The following CCSER1 variants were observed in gnomAD, a reference collection of about 807,000 sequenced individuals.
CCSER1 encodes coiled-coil serine rich protein 1, also known as serine-rich coiled-coil domain-containing protein 1.
CCSER1 carries 41 observed loss-of-function variants against 82.0 expected under a neutral mutation model. That is an observed-to-expected ratio of 0.50 (90% confidence interval 0.39 to 0.65). The LOEUF (loss-of-function observed/expected upper bound fraction) is 0.65, where lower values mean the gene tolerates loss of function less well. CCSER1 is among the 30% of genes least tolerant of loss of function. The probability of loss-of-function intolerance (pLI) is 0.00; values close to 1 mark genes in which losing one functional copy is unlikely to be tolerated. For missense variants in CCSER1, 1,119 were observed against 1,064.2 expected (o/e 1.05, Z -0.72); for synonymous variants, 414 against 383.9 (o/e 1.08, Z -0.92).
At chr4:90,483,120 T>C (rs199712536) in intron 5 of CCSER1, among the ~76,000 whole-genome samples, 1 of 152,178 alleles carries the variant, frequency 6.6e-6, no homozygotes, top group Non-Finnish European at 1.5e-5. Context: ...CCTTTACCAT[T>C]ATGTAATGGC....
At chr4:90,536,467 C>T (rs1479958218) in intron 5 of CCSER1, among the ~76,000 whole-genome samples, 1 of 152,186 alleles carries the variant, frequency 6.6e-6, no homozygotes, top group Non-Finnish European at 1.5e-5. Flanking sequence ...ATGGCTCATC[C>T]ATGTTAATGG....
At chr4:90,314,040 G>A (rs1561010912) in intron 3 of CCSER1, among the ~76,000 whole-genome samples, 1 of 152,124 alleles carries the variant, frequency 6.6e-6, no homozygotes, top group African/African-American at 2.4e-5. Context: ...TTGTGAAGAA[G>A]CCTTAAGTTA....
chr4:90,901,288 C>T (rs1252845791), intron 8 of CCSER1, among the ~76,000 whole-genome samples: 1 of 151,538 alleles, frequency 6.6e-6, no homozygotes, highest in African/African-American at 2.4e-5. Context: ...AGGCTGTTTA[C>T]CTTCAAGGTT....
intron 8 of CCSER1, among the ~76,000 whole-genome samples, chr4:90,852,947 T>G (rs1764055412): frequency 6.6e-6 from 1 of 152,172 alleles, no homozygotes; most frequent in South Asian, 2.1e-4. Context: ...GGCTAGTGAT[T>G]TGAGAGAGAC....
At chr4:90,645,498 G>A (rs889770092) in intron 6 of CCSER1, among the ~76,000 whole-genome samples, 1 of 151,994 alleles carries the variant, frequency 6.6e-6, no homozygotes, top group African/African-American at 2.4e-5. Context: ...AGATATGTAG[G>A]GATTTACTGT....
At chr4:91,118,858 G>A (rs562549752) in intron 10 of CCSER1, among the ~76,000 whole-genome samples, 2 of 152,284 alleles carry the variant, frequency 1.3e-5, no homozygotes, top group Admixed American at 6.5e-5. Context: ...TGTAGAAGAT[G>A]TTTCTGTGGT....
Position 90,162,703 on chromosome 4 carries a change from G to A in CCSER1, c.-42+34872G>A, listed in dbSNP as rs546397132. Among the ~76,000 whole-genome samples, 9 of 152,210 alleles carry A rather than the reference G, an allele frequency of 5.9e-5. No homozygotes were observed. The South Asian group carries it at 1.7e-3, about 28-fold the overall frequency. On this transcript the variant is annotated intron_variant, in intron 1 of 10. Coordinates refer to ENST00000509176, the MANE Select transcript of CCSER1 (RefSeq NM_001145065.2). The stretch of plus-strand genomic sequence containing the variant: ...AATAAGCTAAATTAATTCAGAAGCT[G>A]CAGGGTGCTGCAGAGATGTGGTTGG...
At chr4:90,387,567 A>G (rs1222743494) in intron 3 of CCSER1, among the ~76,000 whole-genome samples, 1 of 152,232 alleles carries the variant, frequency 6.6e-6, no homozygotes, top group Non-Finnish European at 1.5e-5. Flanking sequence ...CATGTGATTT[A>G]GGATGGTGGC....
At chr4:90,137,544 T>C (rs1355635148) in intron 1 of CCSER1, among the ~76,000 whole-genome samples, 4 of 152,264 alleles carry the variant, frequency 2.6e-5, no homozygotes, top group East Asian at 1.9e-4. Flanking sequence ...GTCAGGTTCA[T>C]TGGACGGTGA....
At chr4:91,225,934 A>G (rs934720748) in intron 10 of CCSER1, among the ~76,000 whole-genome samples, 1 of 152,012 alleles carries the variant, frequency 6.6e-6, no homozygotes, top group Non-Finnish European at 1.5e-5. Context: ...AAGGGAGGTA[A>G]CATATGGTCT....
At chr4:91,218,909 C>G (rs947366493) in intron 10 of CCSER1, among the ~76,000 whole-genome samples, 5 of 152,104 alleles carry the variant, frequency 3.3e-5, no homozygotes, top group Admixed American at 6.5e-5. Flanking sequence ...AATGTCAACA[C>G]TAAATACGAT....
chr4:90,384,666 C>T (rs1749736656), intron 3 of CCSER1, among the ~76,000 whole-genome samples: 1 of 152,146 alleles, frequency 6.6e-6, no homozygotes, highest in Non-Finnish European at 1.5e-5. Flanking sequence ...TGGAGCCACT[C>T]CTCTCTGTTC....
chr4:91,472,115 T>A (rs1471902647), intron 10 of CCSER1, among the ~76,000 whole-genome samples: 1 of 152,148 alleles, frequency 6.6e-6, no homozygotes, highest in African/African-American at 2.4e-5. Context: ...TTTTTTTAAA[T>A]GACTTAGAGC....
At chr4:90,672,027 A>G (rs750292404) in intron 6 of CCSER1, among the ~76,000 whole-genome samples, 6 of 152,070 alleles carry the variant, frequency 3.9e-5, no homozygotes, top group Non-Finnish European at 5.9e-5. Flanking sequence ...TCAGTGAGCC[A>G]TGTCATTAAA....
At chr4:90,887,615 G>A (rs1366739216) in intron 8 of CCSER1, among the ~76,000 whole-genome samples, 2 of 152,298 alleles carry the variant, frequency 1.3e-5, no homozygotes, top group African/African-American at 4.8e-5. Context: ...CAGGCACGTT[G>A]GCTCACGCCT....
intron 5 of CCSER1, among the ~76,000 whole-genome samples, chr4:90,558,288 A>G (rs540404950): frequency 3.3e-5 from 5 of 152,332 alleles, no homozygotes; most frequent in Non-Finnish European, 7.4e-5. Context: ...TATTCTTGAA[A>G]CTTGAATTTC....
chr4:91,342,324 CT>C (rs1288215078), intron 10 of CCSER1, among the ~76,000 whole-genome samples: 3 of 152,118 alleles, frequency 2.0e-5, no homozygotes, highest in African/African-American at 7.2e-5. Flanking sequence ...TTAGCCATTA[CT>C]TTATATCTTT....
At chr4:91,090,645 C>T (rs904329482) in intron 10 of CCSER1, among the ~76,000 whole-genome samples, 2 of 152,146 alleles carry the variant, frequency 1.3e-5, no homozygotes, top group East Asian at 1.9e-4. Flanking sequence ...TCTTGGGCTT[C>T]CCATGGCCAC....
rs985664705 is a variant in CCSER1 at position 91,162,957 on chromosome 4, T to A, written c.2217+76963T>A. Among the ~76,000 whole-genome samples the A allele has an allele frequency of 5.3e-5, 8 of 152,178 alleles. No homozygotes were observed. The East Asian group carries it at 1.3e-3, about 26-fold the overall frequency. On this transcript the variant is annotated intron_variant, in intron 10 of 10. Transcript: ENST00000509176. Reference sequence around the variant, plus strand: ...TCAGTTCTGCTCTGATCTTAGTTATTTTTTGCCTTCTGCTCGCTTTTGAAT... The same window carrying A: ...TCAGTTCTGCTCTGATCTTAGTTATATTTTGCCTTCTGCTCGCTTTTGAAT...
Sources: allele counts gnomAD v4.1 joint callset (sites outside exome capture counted in the v4.1 genomes callset), GRCh38; gene constraint gnomAD v4.1.1; transcripts MANE v1.5; gene names NCBI Gene and HGNC (gene_info 2026-07-23, HGNC 2026-07-21).